TRPC6: variants seen among roughly 807,000 people sequenced by gnomAD.
TRPC6 encodes transient receptor potential cation channel subfamily C member 6.
Under a neutral mutation model 90.7 loss-of-function variants are expected in TRPC6, and 55 were observed. The ratio of observed to expected loss-of-function variants is 0.61; its 90% CI spans 0.49 to 0.76. The LOEUF (loss-of-function observed/expected upper bound fraction) is 0.76, where lower values mean the gene tolerates loss of function less well. Among genes scored for constraint, TRPC6 ranks in the 30% least tolerant of loss-of-function variants. The pLI is 0.00. For synonymous variants in TRPC6, 393 were observed against 393.0 expected, an observed-to-expected ratio of 1.00 and a Z score of 0.00; for missense variants, 989 against 1,122.7, an observed-to-expected ratio of 0.88 and a Z score of 1.70.
Position 101,504,645 on chromosome 11 carries a change from A to G in TRPC6, c.324T>C (p.Tyr108=), listed in dbSNP as rs755453317. 3 of 1,609,800 alleles carry G rather than the reference A, an allele frequency of 1.9e-6. No individual in the cohort carries two copies. The highest frequency in any genetic ancestry group is 2.5e-6 in the Non-Finnish European group (3 of 1,176,992). Residue 108 remains tyrosine (Y), a synonymous_variant, in exon 2 of 13, where the codon TAT becomes TAC. Transcript: ENST00000344327. ...EEERFLDAAE[Y]GNIPVVRKML... ...TCTTCCGCACCACTGGGATGTTACC[A>G]TATTCAGCTGCATCCAAAAAGCGTT... is the stretch of plus-strand genomic sequence containing the variant.
chr11:101,568,512 A>C (rs1480454889), intron 1 of TRPC6, among the ~76,000 whole-genome samples: 1 of 152,214 alleles, frequency 6.6e-6, no homozygotes, highest in Non-Finnish European at 1.5e-5. Context: ...AATACAGAGA[A>C]TACCACAAAG....
intron 1 of TRPC6, among the ~76,000 whole-genome samples, chr11:101,554,320 T>C (rs1861515011): frequency 1.3e-5 from 2 of 152,146 alleles, no homozygotes; most frequent in East Asian, 1.9e-4. Flanking sequence ...AAGAAAGTTT[T>C]AGATTTGCAT....
chr11:101,550,445 T>C (rs543754128), intron 1 of TRPC6, among the ~76,000 whole-genome samples: 2 of 151,848 alleles, frequency 1.3e-5, no homozygotes, highest in Non-Finnish European at 3.0e-5. Context: ...TTATTGATAC[T>C]TTTTTCTTAA....
At chr11:101,515,097 AGGTAATTCAAT>A (rs2136764985) in intron 1 of TRPC6, among the ~76,000 whole-genome samples, 1 of 152,362 alleles carries the variant, frequency 6.6e-6, no homozygotes, top group South Asian at 2.1e-4. Flanking sequence ...ATTCTGCTTA[AGGTAATTCAAT>A]GCCTCATCTG....
chr11:101,471,380 C>T lies in TRPC6; in HGVS notation c.2212G>A (p.Ala738Thr). The T allele has an allele frequency of 1.2e-6, 2 of 1,613,666 alleles. No homozygotes were observed. The highest frequency in any genetic ancestry group is 2.2e-5 in the East Asian group (1 of 44,864). ...CTTGCAAATTTCCACTCCACATCAG[C>T]GTCATCCTATACAAATACACATGAC... is the stretch of plus-strand genomic sequence containing the variant. The part of the protein sequence containing the change: ...NSSFQEIEDD[A>T]DVEWKFARAK... Residue 738 changes from alanine to threonine, a missense_variant, in exon 9 of 13, where the codon GCT becomes ACT. Ala to Thr is a moderately conservative substitution (Grantham distance 58). Coordinates refer to ENST00000344327, the MANE Select transcript of TRPC6 (RefSeq NM_004621.6).
intron 10 of TRPC6, among the ~76,000 whole-genome samples, chr11:101,466,849 T>C (rs1178234524): frequency 6.6e-6 from 1 of 152,150 alleles, no homozygotes; most frequent in Admixed American, 6.5e-5. Context: ...AGGGCCCTGG[T>C]GGAGTAGGCA....
intron 10 of TRPC6, among the ~76,000 whole-genome samples, chr11:101,457,566 A>G (rs899604391): frequency 2.0e-5 from 3 of 152,192 alleles, no homozygotes; most frequent in Non-Finnish European, 4.4e-5. Context: ...CTGAAAAGGT[A>G]TGGACAATAT....
At chr11:101,475,412 A>G (rs1290646328) in intron 6 of TRPC6, among the ~76,000 whole-genome samples, 1 of 152,124 alleles carries the variant, frequency 6.6e-6, no homozygotes, top group Non-Finnish European at 1.5e-5. Flanking sequence ...GAATATTTAC[A>G]TTTTTGTGGT....
At chr11:101,573,598 A>C (rs906984381) in intron 1 of TRPC6, among the ~76,000 whole-genome samples, 1 of 152,160 alleles carries the variant, frequency 6.6e-6, no homozygotes, top group Admixed American at 6.5e-5. Flanking sequence ...GATCATAAAC[A>C]ATACTGTTTG....
At chr11:101,502,066 C>T (rs7934219) in intron 2 of TRPC6, among the ~76,000 whole-genome samples, 69,477 of 151,688 alleles carry the variant, frequency 0.46, 16,239 homozygotes, top group African/African-American at 0.55. Context: ...TAGGGAAGCA[C>T]AAATGGGCGG....
At chr11:101,561,163 A>C (rs1333662215) in intron 1 of TRPC6, among the ~76,000 whole-genome samples, 1 of 152,158 alleles carries the variant, frequency 6.6e-6, no homozygotes, top group Non-Finnish European at 1.5e-5. Context: ...CTGCTGATAA[A>C]GTATCAATTC....
At chr11:101,465,718 C>T (rs962141886) in intron 10 of TRPC6, among the ~76,000 whole-genome samples, 7 of 152,126 alleles carry the variant, frequency 4.6e-5, no homozygotes, top group Admixed American at 1.3e-4. Context: ...TTAGTTTTTT[C>T]GCACCAGGTG....
chr11:101,481,944 T>C (rs1302980804), intron 5 of TRPC6, among the ~76,000 whole-genome samples: 1 of 152,182 alleles, frequency 6.6e-6, no homozygotes, highest in Non-Finnish European at 1.5e-5. Flanking sequence ...ATTGCCATAG[T>C]TCCACATCTC....
chr11:101,457,696 G>A (rs1021660529), intron 10 of TRPC6, among the ~76,000 whole-genome samples: 1 of 152,128 alleles, frequency 6.6e-6, no homozygotes, highest in Admixed American at 6.6e-5. Context: ...TGTTTGAAAT[G>A]GGACTTGAGG....
Position 101,505,547 on chromosome 11 carries a change from G to C in TRPC6, c.171-749C>G, listed in dbSNP as rs146757963. Among the ~76,000 whole-genome samples, 1,411 of 152,256 alleles carry C rather than the reference G, an allele frequency of 9.3e-3. 12 individuals are homozygous for C. The highest frequency in any genetic ancestry group is 0.014 in the Non-Finnish European group (933 of 68,016). On this transcript the variant is annotated intron_variant, in intron 1 of 12. Transcript: ENST00000344327. ...TAGCAGAGGTATCGGCTAGATGTTAGAGTATAGGTTTCATTAATATGGGCA... is the reference window on the plus strand; with the variant it reads ...TAGCAGAGGTATCGGCTAGATGTTACAGTATAGGTTTCATTAATATGGGCA...
At chr11:101,517,319 A>C (rs1240818631) in intron 1 of TRPC6, among the ~76,000 whole-genome samples, 3 of 152,196 alleles carry the variant, frequency 2.0e-5, no homozygotes, top group African/African-American at 7.2e-5. Context: ...GAAAAGTTCT[A>C]TTTTCCACGG....
intron 1 of TRPC6, among the ~76,000 whole-genome samples, chr11:101,553,720 T>G (rs1861501307): frequency 1.3e-5 from 2 of 152,122 alleles, no homozygotes; most frequent in African/African-American, 4.8e-5. Context: ...CTAGCACACA[T>G]GTATGGATAA....
intron 1 of TRPC6, 67 bp from the exon 2 acceptor site, chr11:101,504,865 C>A: frequency 1.3e-6 from 2 of 1,569,496 alleles, no homozygotes; most frequent in South Asian, 1.2e-5. Context: ...AAATGACTTG[C>A]CATTCATCTA....
intron 1 of TRPC6, among the ~76,000 whole-genome samples, chr11:101,507,635 G>A (rs1260443035): frequency 6.6e-6 from 1 of 152,098 alleles, no homozygotes; most frequent in African/African-American, 2.4e-5. Flanking sequence ...GCTGGGTAGA[G>A]AATTCAAGGT....
Sources: allele counts gnomAD v4.1 joint callset (sites outside exome capture counted in the v4.1 genomes callset), GRCh38; gene constraint gnomAD v4.1.1; transcripts MANE v1.5; gene names NCBI Gene and HGNC (gene_info 2026-07-23, HGNC 2026-07-21).